The following CCDC88C variants were observed in gnomAD, a reference collection of about 807,000 sequenced individuals.
The protein encoded by CCDC88C is protein Daple.
CCDC88C carries 131 observed loss-of-function variants against 198.8 expected under a neutral mutation model. That is an observed-to-expected ratio of 0.66 (90% confidence interval 0.57 to 0.76). CCDC88C has a LOEUF of 0.76. Among genes scored for constraint, CCDC88C ranks in the 30% least tolerant of loss-of-function variants. CCDC88C has a pLI of 0.00. For missense variants in CCDC88C, 2,553 were observed against 2,631.6 expected, an observed-to-expected ratio of 0.97 and a Z score of 0.65; for synonymous variants, 1,166 against 1,114.7, an observed-to-expected ratio of 1.05 and a Z score of -0.92.
intron 21 of CCDC88C, 72 bp from the exon 22 acceptor site, chr14:91,297,563 G>C: frequency 6.8e-7 from 1 of 1,462,772 alleles, no homozygotes; most frequent in Non-Finnish European, 9.3e-7. Flanking sequence ...AGAGACCTGG[G>C]CTATGTCCCA....
intron 3 of CCDC88C, among the ~76,000 whole-genome samples, chr14:91,400,815 C>T: frequency 6.6e-6 from 1 of 152,188 alleles, no homozygotes. Context: ...ATAAATAAGG[C>T]TATTTTGGCA....
intron 14 of CCDC88C, among the ~76,000 whole-genome samples, chr14:91,314,361 A>G (rs1357678431): frequency 2.0e-5 from 3 of 152,174 alleles, no homozygotes; most frequent in Non-Finnish European, 4.4e-5. Flanking sequence ...ATACACTCAG[A>G]GCAGCCAGGA....
chr14:91,337,060 C>A (rs1046326677), intron 10 of CCDC88C, among the ~76,000 whole-genome samples: 6 of 152,202 alleles, frequency 3.9e-5, no homozygotes, highest in Non-Finnish European at 7.3e-5. Context: ...CACTTCCAGC[C>A]CCCCTTGGAA....
chr14:91,409,754 G>A (rs953933661), intron 2 of CCDC88C, among the ~76,000 whole-genome samples: 6 of 152,128 alleles, frequency 3.9e-5, no homozygotes, highest in East Asian at 1.9e-4. Flanking sequence ...CCAAAGTGCC[G>A]GGATTACAGG....
intron 20 of CCDC88C, 38 bp downstream of exon 20, chr14:91,303,663 T>C (rs117289805): frequency 0.019 from 28,232 of 1,509,544 alleles, 326 homozygotes; most frequent in Non-Finnish European, 0.022. Flanking sequence ...CTCTGGACTC[T>C]ACCCCTCCCC....
rs1359259945 is a variant in CCDC88C at position 91,381,222 on chromosome 14, C to CAG, written c.271-21513_271-21512dup. On this transcript the variant is annotated intron_variant, in intron 3 of 29. Transcript: ENST00000389857. The surrounding 1 kb of genome is among the most constrained non-coding windows in gnomAD (Gnocchi z 4.2). ...GGTACGGTCTGAGTCTCCTGTCCCCCAGCTTGTCCTCTGAAGGAGACTGTG... is the reference window on the plus strand; with the variant it reads ...GGTACGGTCTGAGTCTCCTGTCCCCCAGAGCTTGTCCTCTGAAGGAGACTGTG... Among the ~76,000 whole-genome samples the CAG allele has an allele frequency of 6.6e-6, 1 of 152,140 alleles. No individual in the cohort carries two copies. Among genetic ancestry groups the CAG allele is most frequent in the East Asian group, 1.9e-4 (1 of 5,176 alleles).
chr14:91,309,883 T>C lies in CCDC88C; in HGVS notation c.2840A>G (p.Gln947Arg), dbSNP rs1260835101. ...CGTGTCACTGCCGCTGTCGTCCTCC[T>C]GCAACAGCAGCTCCCTGTTGAGGCC... ...KVGLNRELLLQEDDSGSDTKY... is the reference protein window; with the variant it reads ...KVGLNRELLLREDDSGSDTKY... The change falls in exon 16 of 30, where the codon CAG becomes CGG. Residue 947 changes from glutamine to arginine, a missense_variant. Gln to Arg is a conservative substitution (Grantham distance 43). Transcript: ENST00000389857. 6.2e-7 allele frequency: 1 copy of C among 1,611,806 alleles called. No individual in the cohort carries two copies. Among genetic ancestry groups the C allele is most frequent in the Admixed American group, 1.7e-5 (1 of 59,930 alleles).
intron 3 of CCDC88C, among the ~76,000 whole-genome samples, chr14:91,370,719 A>G (rs1368665765): frequency 6.6e-6 from 1 of 151,874 alleles, no homozygotes. Flanking sequence ...ACAGGTGCGG[A>G]TGGTGGGGGA....
chr14:91,288,222 GTTGATGAAATACA>G lies in CCDC88C; in HGVS notation c.4441+870_4441+882del, dbSNP rs1231796583. 6.6e-6 allele frequency among the ~76,000 whole-genome samples: 1 copy of G among 152,220 alleles called. No individual in the cohort carries two copies. Among genetic ancestry groups the G allele is most frequent in the Non-Finnish European group, 1.5e-5 (1 of 68,036 alleles). ...TGTGCAGCTTTCATGGCTCCTGAGA[GTTGATGAAATACA>G]GCATACATGATGAGAAATCCTGTTC... On this transcript the variant is annotated intron_variant, in intron 25 of 29. Coordinates refer to ENST00000389857, the MANE Select transcript of CCDC88C (RefSeq NM_001080414.4). This position sits in a 1 kb window ranked among gnomAD's most constrained non-coding sequence, Gnocchi z 4.2.
At chr14:91,360,252 T>TCACACTCACA (rs1555425206) in intron 3 of CCDC88C, among the ~76,000 whole-genome samples, 4 of 144,196 alleles carry the variant, frequency 2.8e-5, no homozygotes, top group Non-Finnish European at 6.0e-5. Flanking sequence ...GACCCCATCT[T>TCACACTCACA]CACACACACA....
At chr14:91,286,128 T>C (rs1196999119) in intron 25 of CCDC88C, among the ~76,000 whole-genome samples, 2 of 152,214 alleles carry the variant, frequency 1.3e-5, no homozygotes, top group Non-Finnish European at 2.9e-5. Flanking sequence ...ATGGTCTGGA[T>C]GATTTTTCGG....
intron 19 of CCDC88C, among the ~76,000 whole-genome samples, chr14:91,304,719 A>G (rs892697666): frequency 4.6e-5 from 7 of 152,218 alleles, no homozygotes; most frequent in Admixed American, 4.6e-4. Flanking sequence ...CCATCCAACA[A>G]CATCCAAAAT....
intron 13 of CCDC88C, among the ~76,000 whole-genome samples, chr14:91,320,759 G>A (rs917279763): frequency 6.6e-6 from 1 of 152,228 alleles, no homozygotes; most frequent in Admixed American, 6.5e-5. Flanking sequence ...CCTGGTATAA[G>A]CAGTGAGGTA....
chr14:91,341,722 T>C (rs1285797), intron 6 of CCDC88C, among the ~76,000 whole-genome samples: 118,855 of 152,226 alleles, frequency 0.78, 46,702 homozygotes, highest in Non-Finnish European at 0.82. Flanking sequence ...TACCGCCCCC[T>C]AGGGTGGGCG....
chr14:91,360,831 C>T (rs148631371), intron 3 of CCDC88C, among the ~76,000 whole-genome samples: 26 of 152,264 alleles, frequency 1.7e-4, no homozygotes, highest in African/African-American at 5.8e-4. Flanking sequence ...AGATGCAGGA[C>T]GTTGTTCACA....
In CCDC88C at chr14:91,277,930, G is replaced by A. The variant is rs926639322; in HGVS notation, c.5050C>T (p.Pro1684Ser). The A allele has an allele frequency of 1.3e-6, 2 of 1,504,678 alleles. No individual in the cohort carries two copies. The highest frequency in any genetic ancestry group is 1.8e-6 in the Non-Finnish European group (2 of 1,117,426). The allele number at this position is 1,504,678 out of a possible 1,614,324, so 93.2% of individuals were successfully genotyped here. A position where few individuals can be genotyped will look rare whatever the true frequency, so the allele number is the denominator to read the frequency against. ...GTGTCCGGATCACTCACATGGGTGGGGGAGCTGCGGTTGCTCTCCTCCAGG... is the reference window on the plus strand; with the variant it reads ...GTGTCCGGATCACTCACATGGGTGGAGGAGCTGCGGTTGCTCTCCTCCAGG... ...EFLEESNRSS[P>S]THDTPSCRDD... The change falls in exon 29 of 30, where the codon CCC (proline) becomes TCC (serine). Residue 1684 changes from proline (P) to serine (S), a missense_variant. By Grantham distance (74) the Pro-to-Ser change is moderately conservative. Coordinates refer to ENST00000389857, the MANE Select transcript of CCDC88C (RefSeq NM_001080414.4).
rs117504262 is a variant in CCDC88C, at chr14:91,292,719, A to G, written c.4112+1454T>C. The stretch of plus-strand genomic sequence containing the variant: ...GCCTGCCCGGACGCCAATACCAGCC[A>G]TTCCCGATCACGTGGAAGGACAGCC... On this transcript the variant is annotated intron_variant, in intron 23 of 29. Transcript: ENST00000389857. Among the ~76,000 whole-genome samples the G allele has an allele frequency of 6.6e-5, 10 of 152,154 alleles. No individual in the cohort carries two copies. The East Asian group carries it at 1.9e-3, about 29-fold the overall frequency.
chr14:91,340,167 C>A, intron 6 of CCDC88C, 143 bp from the exon 7 acceptor site: 7 of 1,193,060 alleles, frequency 5.9e-6, no homozygotes, highest in Non-Finnish European at 7.1e-6. Flanking sequence ...GGGTGCCCTA[C>A]GCAAGTGTGG....
At chr14:91,311,551 G>T (rs1891825383) in intron 15 of CCDC88C, among the ~76,000 whole-genome samples, 1 of 152,236 alleles carries the variant, frequency 6.6e-6, no homozygotes, top group South Asian at 2.1e-4. Flanking sequence ...CAAGATGGCA[G>T]AAGCCAGGTG....
Sources: gnomAD v4.1 joint callset for allele counts (sites outside exome capture counted in the v4.1 genomes callset) on GRCh38, gnomAD v4.1.1 for gene constraint, Gnocchi (gnomAD v3.1) non-coding constraint, MANE v1.5 for transcripts, NCBI Gene and HGNC (gene_info 2026-07-23, HGNC 2026-07-21) for gene names.